Variants in GSAP observed in about 807,000 individuals in gnomAD.
GSAP encodes the protein gamma-secretase-activating protein.
A neutral mutation model predicts 131.7 loss-of-function variants in GSAP; 118 were observed. The ratio of observed to expected loss-of-function variants is 0.90; its 90% CI spans 0.77 to 1.04. The LOEUF is 1.04. GSAP is among the 50% of genes least tolerant of loss of function. The pLI, the probability that GSAP is intolerant of heterozygous loss-of-function variation, is 0.00. For missense variants in GSAP, 1,019 were observed against 1,013.2 expected (o/e 1.01, Z -0.08); for synonymous variants, 381 against 363.4 (o/e 1.05, Z -0.55).
chr7:77,343,595 G>A (rs1213034327), intron 19 of GSAP, among the ~76,000 whole-genome samples: 4 of 152,132 alleles, frequency 2.6e-5, no homozygotes, highest in African/African-American at 7.2e-5. Context: ...TCAAGGCAAC[G>A]CTTATGCTGA....
chr7:77,336,158 T>G (rs1458005662), intron 19 of GSAP, among the ~76,000 whole-genome samples: 1 of 152,238 alleles, frequency 6.6e-6, no homozygotes, highest in Non-Finnish European at 1.5e-5. Context: ...GGTAGTTCTA[T>G]TAGCCATTTT....
chr7:77,312,712 G>T (rs752190202), intron 28 of GSAP, among the ~76,000 whole-genome samples: 7 of 152,182 alleles, frequency 4.6e-5, no homozygotes, highest in Non-Finnish European at 8.8e-5. Context: ...GTAAGCCTGT[G>T]AGTGAGGGGC....
At chr7:77,331,897 A>G (rs1789220455) in intron 19 of GSAP, 2 of 151,770 alleles carry the variant, frequency 1.3e-5, no homozygotes, top group Admixed American at 1.3e-4. Context: ...AAGAAGAAAA[A>G]AAAAAAAAAA....
At chr7:77,351,273 T>TA (rs1375217000) in intron 18 of GSAP, 2 of 952,304 alleles carry the variant, frequency 2.1e-6, no homozygotes, top group African/African-American at 1.8e-5. Context: ...AATAGCATTT[T>TA]AAAAGAGGTA....
At chr7:77,371,884 G>A (rs1726576) in intron 12 of GSAP, among the ~76,000 whole-genome samples, 63,093 of 152,064 alleles carry the variant, frequency 0.41, 14,325 homozygotes, top group Middle Eastern at 0.53. Flanking sequence ...GTCACATGGT[G>A]ACAAAGTACC....
intron 14 of GSAP, among the ~76,000 whole-genome samples, chr7:77,359,588 C>G (rs1472078619): frequency 1.3e-5 from 2 of 152,140 alleles, no homozygotes; most frequent in Non-Finnish European, 2.9e-5. Flanking sequence ...ATTACCTGTA[C>G]AGCAGTTTTA....
At position 77,376,886 on chromosome 7, in the gene GSAP, AT is replaced by A; in HGVS notation, c.702del (p.Lys234AsnfsTer13). ...CTCTCATCAGCATAAAACTGGATAC[AT>A]TTTAAGATACTCCTTGATTTCTAAA... is the stretch of plus-strand genomic sequence containing the variant. Reference protein sequence around the residue: ...IDLKKSRSILKCIQFYADESY... With the variant: ...IDLKKSRSILXCIQFYADESY... On this transcript the variant is annotated frameshift_variant, in exon 10 of 31. Coordinates refer to ENST00000257626, the MANE Select transcript of GSAP (RefSeq NM_017439.4). LOFTEE classifies it high-confidence loss of function. 2 of 1,482,102 alleles carry A rather than the reference AT, an allele frequency of 1.3e-6. No individual in the cohort carries two copies. The highest frequency in any genetic ancestry group is 2.3e-5 in the East Asian group (1 of 42,626). The allele number at this position is 1,482,102 out of a possible 1,614,324, so 91.8% of individuals were successfully genotyped here.
intron 28 of GSAP, among the ~76,000 whole-genome samples, 196 bp from the exon 29 acceptor site, chr7:77,312,398 G>A (rs1159816132): frequency 1.3e-5 from 2 of 152,082 alleles, no homozygotes; most frequent in African/African-American, 4.8e-5. Context: ...TCTCTCAAAC[G>A]CTACATTGAG....
At chr7:77,330,768 A>T (rs958416790) in intron 19 of GSAP, 1 of 985,886 alleles carries the variant, frequency 1.0e-6, no homozygotes, top group Non-Finnish European at 1.2e-6. Flanking sequence ...TCACTAAGAG[A>T]AAGTTCATTA....
chr7:77,408,634 G>A (rs1802710149), intron 1 of GSAP, among the ~76,000 whole-genome samples: 1 of 144,004 alleles, frequency 6.9e-6, no homozygotes, highest in Admixed American at 7.0e-5. Context: ...CCAGGAGGTG[G>A]AGGTTGCAAT....
At chr7:77,412,776 CAAAA>C (rs34619648) in intron 1 of GSAP, among the ~76,000 whole-genome samples, 3 of 110,708 alleles carry the variant, frequency 2.7e-5, no homozygotes, top group African/African-American at 3.5e-5. Context: ...ACCAGTTTGA[CAAAA>C]AAAAAAAAAA....
At chr7:77,407,404 T>C (rs955009243) in intron 1 of GSAP, among the ~76,000 whole-genome samples, 11 of 152,228 alleles carry the variant, frequency 7.2e-5, no homozygotes, top group Admixed American at 3.3e-4. Context: ...AATCTGACAT[T>C]CTTAATCTTT....
intron 1 of GSAP, among the ~76,000 whole-genome samples, chr7:77,406,501 G>T (rs1226598868): frequency 1.3e-5 from 2 of 152,212 alleles, no homozygotes; most frequent in Admixed American, 6.5e-5. Flanking sequence ...ATTTGGAATT[G>T]TTATAGCCTC....
At chr7:77,376,170 C>T (rs1352980511) in intron 10 of GSAP, among the ~76,000 whole-genome samples, 1 of 152,156 alleles carries the variant, frequency 6.6e-6, no homozygotes, top group Non-Finnish European at 1.5e-5. Flanking sequence ...TTACAGACCC[C>T]ATCAATTATT....
rs187376412 is a variant in GSAP, at chr7:77,330,428, G to A, written c.1546-61C>T. 509 of 1,587,564 alleles carry A rather than the reference G, an allele frequency of 3.2e-4. 2 individuals carry two copies. In the African/African-American group the frequency reaches 6.1e-3, roughly 19 times the overall value. On this transcript the variant is annotated intron_variant, in intron 19 of 30. Coordinates refer to ENST00000257626, the MANE Select transcript of GSAP (RefSeq NM_017439.4). The stretch of plus-strand genomic sequence containing the variant: ...CAGGCCCAGTGGCCCAAACCACCCA[G>A]TGAGTATTACACAAGCCTTATTTCC...
At chr7:77,346,668 T>C (rs1183113519) in intron 19 of GSAP, among the ~76,000 whole-genome samples, 1 of 149,956 alleles carries the variant, frequency 6.7e-6, no homozygotes, top group African/African-American at 2.5e-5. Flanking sequence ...TGTGACTATG[T>C]CATTGCACTC....
At chr7:77,385,199 A>G (rs1374349898) in intron 6 of GSAP, among the ~76,000 whole-genome samples, 1 of 151,952 alleles carries the variant, frequency 6.6e-6, no homozygotes. Context: ...ACGCCCAGCT[A>G]ATTTTTATAT....
intron 18 of GSAP, 114 bp downstream of exon 18, chr7:77,352,830 A>C (rs1793081115): frequency 3.3e-6 from 2 of 602,276 alleles, no homozygotes; most frequent in Non-Finnish European, 5.9e-6. Context: ...GTTCTTTATC[A>C]GTCAAAACAG....
intron 26 of GSAP, 111 bp downstream of exon 26, chr7:77,320,614 A>T: frequency 4.3e-6 from 3 of 694,760 alleles, no homozygotes; most frequent in Non-Finnish European, 7.5e-6. Flanking sequence ...CCAGATACAC[A>T]ATTTCTCATA....
Sources: gnomAD v4.1 joint callset for allele counts (sites outside exome capture counted in the v4.1 genomes callset) on GRCh38, gnomAD v4.1.1 for gene constraint, MANE v1.5 for transcripts, NCBI Gene and HGNC (gene_info 2026-07-23, HGNC 2026-07-21) for gene names.